Variants in ANXA11 observed in about 807,000 individuals in gnomAD.
ANXA11 encodes the protein 56 kDa autoantigen.
In ANXA11, 57 loss-of-function variants were observed where a neutral mutation model predicts 64.7. The observed-to-expected ratio is 0.88, with a 90% CI of 0.71 to 1.10. The LOEUF is 1.10. Among genes scored for constraint, ANXA11 ranks in the 50% least tolerant of loss-of-function variants. The pLI, the probability that ANXA11 is intolerant of heterozygous loss-of-function variation, is 0.00. For missense variants in ANXA11, 675 were observed against 670.7 expected (o/e 1.01, Z -0.07); for synonymous variants, 260 against 265.2 (o/e 0.98, Z 0.19).
intron 1 of ANXA11, among the ~76,000 whole-genome samples, chr10:80,190,728 G>A (rs1181425488): frequency 3.3e-5 from 5 of 149,786 alleles, no homozygotes; most frequent in Admixed American, 1.3e-4. Context: ...CTCGTGATCC[G>A]CCTGCCTTGG....
At chr10:80,204,408 C>A (rs1490593255) in intron 1 of ANXA11, among the ~76,000 whole-genome samples, 3 of 152,222 alleles carry the variant, frequency 2.0e-5, no homozygotes, top group Non-Finnish European at 4.4e-5. Context: ...CAAACCTAGT[C>A]CCTGTTGCGT....
chr10:80,152,534 C>A lies in ANXA11; in HGVS notation c.*3319G>T. The A allele has an allele frequency of 6.5e-6, 1 of 152,682 alleles. No individual in the cohort carries two copies. 9.5% of individuals were successfully genotyped at this position (152,682 alleles called of 1,614,324 possible). A position where few individuals can be genotyped will look rare whatever the true frequency, so the allele number is the denominator to read the frequency against. On this transcript the variant is annotated 3_prime_UTR_variant, in exon 16 of 16. Transcript: ENST00000422982. Reference sequence around the variant, plus strand: ...CTATGCCAAATGTCATGCCCAGGGTCAGGTTCCAGCCCATGCTGAGGTTCG... The same window carrying A: ...CTATGCCAAATGTCATGCCCAGGGTAAGGTTCCAGCCCATGCTGAGGTTCG...
intron 15 of ANXA11, chr10:80,157,085 A>G (rs928039552): frequency 1.8e-5 from 18 of 979,188 alleles, no homozygotes; most frequent in Non-Finnish European, 1.9e-5. Context: ...AATACTCACA[A>G]CATTCCCAGG....
In ANXA11 at chr10:80,190,484, A is replaced by ATTTTT. The variant is rs34704342; in HGVS notation, c.-57-14334_-57-14330dup. On this transcript the variant is annotated intron_variant, in intron 1 of 15. Transcript: ENST00000422982. Reference sequence around the variant, plus strand: ...AATTATAAATGTTAATTTACAATAAATTTTTTTTTTTTTTTTTTTGAGACG... The same window carrying ATTTTT: ...AATTATAAATGTTAATTTACAATAAATTTTTTTTTTTTTTTTTTTTTTTTGAGACG... Among the ~76,000 whole-genome samples the ATTTTT allele has an allele frequency of 9.4e-5, 12 of 127,486 alleles. 1 individual carries two copies. The highest frequency in any genetic ancestry group is 1.1e-4 in the Non-Finnish European group (7 of 62,692). 83.6% of individuals were successfully genotyped at this position (127,486 alleles called of 152,430 possible).
intron 3 of ANXA11, 119 bp downstream of exon 3, chr10:80,172,688 C>G (rs1846024822): frequency 1.1e-5 from 12 of 1,055,136 alleles, no homozygotes; most frequent in Non-Finnish European, 1.7e-5. Flanking sequence ...CTCTCCTCCC[C>G]TGCTGGGCCG....
rs146495937 is a variant in ANXA11 at position 80,157,674 on chromosome 10, C to T, written c.1425G>A (p.Arg475=). The part of the protein sequence containing the change: ...DLLDIRSEYK[R]MYGKSLYHDI... ...CGTGGTACAGCGACTTGCCGTACAT[C>T]CGCTTATACTCTGATCTGATGTCCA... Residue 475 remains arginine (R), a synonymous_variant, in exon 15 of 16, where the codon CGG becomes CGA. Coordinates refer to ENST00000422982, the MANE Select transcript of ANXA11 (RefSeq NM_145868.2). 1.5e-4 allele frequency: 243 copies of T among 1,613,902 alleles called. No individual in the cohort carries two copies. The Middle Eastern group carries it at 3.5e-3, about 23-fold the overall frequency.
chr10:80,186,243 A>T (rs1257845940), intron 1 of ANXA11, among the ~76,000 whole-genome samples: 1 of 151,708 alleles, frequency 6.6e-6, no homozygotes, highest in African/African-American at 2.4e-5. Context: ...GAAAGAGAGG[A>T]CCCTGGGCTA....
intron 12 of ANXA11, among the ~76,000 whole-genome samples, chr10:80,161,399 C>T (rs191099275): frequency 1.3e-4 from 20 of 152,330 alleles, no homozygotes; most frequent in African/African-American, 4.6e-4. Context: ...GCTTGATTTT[C>T]CTCTACAGGA....
At chr10:80,163,645 G>A (rs1165133457) in intron 9 of ANXA11, 32 bp from the exon 10 acceptor site, 1 of 1,541,000 alleles carries the variant, frequency 6.5e-7, no homozygotes, top group South Asian at 1.2e-5. Context: ...GGTCCATCCT[G>A]TAGCTCTCTT....
At chr10:80,166,537 G>A (rs1465627571) in intron 7 of ANXA11, 1 of 442,424 alleles carries the variant, frequency 2.3e-6, no homozygotes. Context: ...TCGTACTTGG[G>A]CAGCACTCAC....
chr10:80,168,929 C>T, intron 5 of ANXA11, 40 bp downstream of exon 5: 1 of 1,473,248 alleles, frequency 6.8e-7, no homozygotes, highest in East Asian at 2.5e-5. Flanking sequence ...GCCTTTGGGG[C>T]CCAGGCCTGG....
Position 80,155,829 on chromosome 10 carries a change from C to A in ANXA11, c.*24G>T, listed in dbSNP as rs779661783. 9.9e-6 allele frequency: 16 copies of A among 1,612,292 alleles called. No homozygotes were observed. Among genetic ancestry groups the A allele is most frequent in the Admixed American group, 5.0e-5 (3 of 59,974 alleles). ...GGCACTGGTGTTGCCGGCAGGTGGGCAGAAGTGAGCCACCAGTCACTGTTC... is the reference window on the plus strand; with the variant it reads ...GGCACTGGTGTTGCCGGCAGGTGGGAAGAAGTGAGCCACCAGTCACTGTTC... On this transcript the variant is annotated 3_prime_UTR_variant, in exon 16 of 16. Coordinates refer to ENST00000422982, the MANE Select transcript of ANXA11 (RefSeq NM_145868.2).
Position 80,164,225 on chromosome 10 carries a change from C to T in ANXA11, c.859-82G>A, listed in dbSNP as rs932121615. 2.2e-5 allele frequency: 25 copies of T among 1,122,774 alleles called. No individual in the cohort carries two copies. In the African/African-American group the frequency reaches 3.5e-4, roughly 16 times the overall value. 69.6% of individuals were successfully genotyped at this position (1,122,774 alleles called of 1,614,324 possible). ...CTCGGGAAGAAGGGTGGGGGCTACG[C>T]TGCTGCCTTAATCCCAGCAACAGAG... On this transcript the variant is annotated intron_variant, in intron 8 of 15. Coordinates refer to ENST00000422982, the MANE Select transcript of ANXA11 (RefSeq NM_145868.2).
At chr10:80,172,089 C>CAGCG (rs1814161775) in intron 3 of ANXA11, among the ~76,000 whole-genome samples, 1 of 152,200 alleles carries the variant, frequency 6.6e-6, no homozygotes, top group South Asian at 2.1e-4. Flanking sequence ...GGGAGAGGGG[C>CAGCG]AGCGGCTCAG....
At chr10:80,163,986 G>A in intron 9 of ANXA11, 67 bp downstream of exon 9, 1 of 1,372,090 alleles carries the variant, frequency 7.3e-7, no homozygotes, top group Non-Finnish European at 1.0e-6. Context: ...AGAGAATGAG[G>A]CCACAGCCCC....
In ANXA11 at chr10:80,176,115, C is replaced by G. The variant is rs963137025; in HGVS notation, c.-17G>C. 6.6e-6 allele frequency: 1 copy of G among 152,210 alleles called. No individual in the cohort carries two copies. Among genetic ancestry groups the G allele is most frequent in the African/African-American group, 2.4e-5 (1 of 41,448 alleles). The allele number at this position is 152,210 out of a possible 1,614,324, so 9.4% of individuals were successfully genotyped here. A position where few individuals can be genotyped will look rare whatever the true frequency, so the allele number is the denominator to read the frequency against. On this transcript the variant is annotated 5_prime_UTR_variant, in exon 2 of 16. Transcript: ENST00000422982. ...AACTTAAAATGACATACCTTTGACT[C>G]AGCAACTCCACTTCTGTAAGTCTCT...
intron 4 of ANXA11, among the ~76,000 whole-genome samples, chr10:80,170,376 G>A (rs926511707): frequency 6.6e-6 from 1 of 152,144 alleles, no homozygotes; most frequent in Non-Finnish European, 1.5e-5. Context: ...TTAAAAAGTA[G>A]CATGTCTGCC....
At chr10:80,179,645 A>G (rs1846288164) in intron 1 of ANXA11, among the ~76,000 whole-genome samples, 1 of 152,142 alleles carries the variant, frequency 6.6e-6, no homozygotes, top group Non-Finnish European at 1.5e-5. Context: ...CAACCTGGAG[A>G]TCCATTCCTT....
chr10:80,171,237 G>A, intron 3 of ANXA11: 1 of 1,196,748 alleles, frequency 8.4e-7, no homozygotes, highest in Non-Finnish European at 1.0e-6. Context: ...TGGAGCAGGA[G>A]GACAGACAAG....
Sources: allele counts gnomAD v4.1 joint callset (sites outside exome capture counted in the v4.1 genomes callset), GRCh38; gene constraint gnomAD v4.1.1; transcripts MANE v1.5; gene names NCBI Gene and HGNC (gene_info 2026-07-23, HGNC 2026-07-21).